Variants in SLC39A10 observed in about 807,000 individuals in gnomAD.
SLC39A10 encodes zinc transporter ZIP10.
Under a neutral mutation model 65.1 loss-of-function variants are expected in SLC39A10, and 13 were observed. The observed-to-expected ratio is 0.20, with a 90% CI of 0.13 to 0.32. SLC39A10 has a LOEUF of 0.32. Ranked by LOEUF, SLC39A10 falls within the 10% of genes least tolerant of loss-of-function variation. The probability of loss-of-function intolerance (pLI) is 1.00; values close to 1 mark genes in which losing one functional copy is unlikely to be tolerated. For missense variants in SLC39A10, 831 were observed against 1,018.4 expected, an observed-to-expected ratio of 0.82 and a Z score of 2.50; for synonymous variants, 321 against 342.2, an observed-to-expected ratio of 0.94 and a Z score of 0.68.
chr2:195,705,262 A>G lies in SLC39A10; in HGVS notation c.1217-1354A>G, dbSNP rs541100338. Among the ~76,000 whole-genome samples, 97 of 152,276 alleles carry G rather than the reference A, an allele frequency of 6.4e-4. 1 individual carries two copies. Among genetic ancestry groups the G allele is most frequent in the African/African-American group, 2.1e-3 (89 of 41,556 alleles). The stretch of plus-strand genomic sequence containing the variant: ...CTAGTGGGTAGATCCTCAGCCCTCT[A>G]ATACTGGTTGTGTTTGAATCTTATT... On this transcript the variant is annotated intron_variant, in intron 3 of 9. Coordinates refer to ENST00000359634, the MANE Select transcript of SLC39A10 (RefSeq NM_020342.3).
In SLC39A10 at chr2:195,617,377, A is replaced by AT. The variant is rs1398973308; in HGVS notation, c.-12+11145dup. Among the ~76,000 whole-genome samples the AT allele has an allele frequency of 1.2e-4, 18 of 152,174 alleles. 1 individual carries two copies. Among genetic ancestry groups the AT allele is most frequent in the Middle Eastern group, 3.4e-3 (1 of 294 alleles). On this transcript the variant is annotated intron_variant, in intron 2 of 2. Coordinates refer to the SLC39A10 transcript ENST00000458054. ...GGACTTTGAGGCCAGCCTGGCCAATATGGTGAAACCCCGTCTCTACTAAAA... is the reference window on the plus strand; with the variant it reads ...GGACTTTGAGGCCAGCCTGGCCAATATTGGTGAAACCCCGTCTCTACTAAAA...
intron 3 of SLC39A10, among the ~76,000 whole-genome samples, chr2:195,689,272 A>T (rs1690635170): frequency 6.6e-6 from 1 of 152,086 alleles, no homozygotes; most frequent in Non-Finnish European, 1.5e-5. Flanking sequence ...TTTTGAAAAA[A>T]TTAGCTGGGC....
chr2:195,670,211 G>A (rs1238306992), intron 1 of SLC39A10, among the ~76,000 whole-genome samples: 1 of 145,172 alleles, frequency 6.9e-6, no homozygotes, highest in Non-Finnish European at 1.5e-5. Flanking sequence ...AATTGCTATG[G>A]AGAATATCAA....
intron 8 of SLC39A10, among the ~76,000 whole-genome samples, chr2:195,725,883 A>T (rs886939297): frequency 7.2e-5 from 11 of 152,200 alleles, no homozygotes; most frequent in Non-Finnish European, 1.6e-4. Context: ...TTCCATTTAG[A>T]TGATGTTCTG....
At chr2:195,659,870 T>A (rs922345960) in intron 1 of SLC39A10, among the ~76,000 whole-genome samples, 1 of 152,176 alleles carries the variant, frequency 6.6e-6, no homozygotes, top group African/African-American at 2.4e-5. Context: ...CACTCCCTCC[T>A]TGACTACCCC....
chr2:195,733,075 C>G (rs756578052), intron 9 of SLC39A10, among the ~76,000 whole-genome samples: 9 of 152,154 alleles, frequency 5.9e-5, no homozygotes, highest in Non-Finnish European at 1.2e-4. Context: ...TACCATAGCA[C>G]TGTCAGAGCA....
At chr2:195,703,015 G>A (rs922168494) in intron 3 of SLC39A10, among the ~76,000 whole-genome samples, 1 of 152,128 alleles carries the variant, frequency 6.6e-6, no homozygotes, top group East Asian at 1.9e-4. Context: ...GCTGCATATT[G>A]TATTCTTCTT....
chr2:195,720,657 A>G (rs1213114789), intron 8 of SLC39A10, among the ~76,000 whole-genome samples: 1 of 152,228 alleles, frequency 6.6e-6, no homozygotes, highest in African/African-American at 2.4e-5. Flanking sequence ...ATATTAGTGC[A>G]TACTTGGTGC....
chr2:195,726,428 G>C (rs1692241870), intron 8 of SLC39A10, among the ~76,000 whole-genome samples: 4 of 152,104 alleles, frequency 2.6e-5, no homozygotes, highest in Admixed American at 2.6e-4. Flanking sequence ...AAGTTAGGGA[G>C]CTCTTTCCAC....
At chr2:195,663,996 A>G (rs1689532394) in intron 1 of SLC39A10, among the ~76,000 whole-genome samples, 1 of 152,096 alleles carries the variant, frequency 6.6e-6, no homozygotes, top group Admixed American at 6.5e-5. Context: ...AATTGAATGT[A>G]TATAACATCT....
intron 1 of SLC39A10, among the ~76,000 whole-genome samples, chr2:195,667,500 C>G (rs1341638887): frequency 6.6e-6 from 1 of 152,210 alleles, no homozygotes; most frequent in Non-Finnish European, 1.5e-5. Context: ...GCTAACGATG[C>G]ATGTGCTCTT....
chr2:195,632,732 T>C (rs1408325872), intron 2 of SLC39A10, among the ~76,000 whole-genome samples: 1 of 148,500 alleles, frequency 6.7e-6, no homozygotes, highest in African/African-American at 2.5e-5. Context: ...CATCTGGTGA[T>C]GAAAAGATAG....
chr2:195,666,437 G>T (rs937182972), intron 1 of SLC39A10, among the ~76,000 whole-genome samples: 1 of 152,190 alleles, frequency 6.6e-6, no homozygotes, highest in Non-Finnish European at 1.5e-5. Flanking sequence ...TAGTGCAGCA[G>T]TAGCTATTTT....
intron 3 of SLC39A10, among the ~76,000 whole-genome samples, chr2:195,685,669 G>C (rs1255013163): frequency 6.6e-6 from 1 of 152,002 alleles, no homozygotes; most frequent in Non-Finnish European, 1.5e-5. Flanking sequence ...GGCCCTTCTG[G>C]GTAAACTTAG....
Position 195,735,671 on chromosome 2 carries a change from A to T in SLC39A10, c.*630A>T, listed in dbSNP as rs560217701. ...CATAGTGTTTAAACCTGCAGCCTAA[A>T]CTACTGAAATTTGTGATTGTATGTT... On this transcript the variant is annotated 3_prime_UTR_variant, in exon 10 of 10. Transcript: ENST00000359634. 2 of 152,714 alleles carry T rather than the reference A, an allele frequency of 1.3e-5. No homozygotes were observed. The highest frequency in any genetic ancestry group is 4.8e-5 in the African/African-American group (2 of 41,572). 9.5% of individuals were successfully genotyped at this position (152,714 alleles called of 1,614,324 possible).
At chr2:195,649,835 T>G (rs1688994911) in intron 2 of SLC39A10, among the ~76,000 whole-genome samples, 2 of 152,220 alleles carry the variant, frequency 1.3e-5, no homozygotes, top group Non-Finnish European at 2.9e-5. Context: ...TTCATCTTAC[T>G]ACTCTGTGAG....
chr2:195,633,307 G>A (rs6434790), intron 2 of SLC39A10, among the ~76,000 whole-genome samples: 5,837 of 152,352 alleles, frequency 0.038, 257 homozygotes, highest in African/African-American at 0.1. Context: ...GAGGGAGCAC[G>A]CAGGTGAGCG....
At chr2:195,729,842 A>T (rs1158456475) in intron 9 of SLC39A10, among the ~76,000 whole-genome samples, 1 of 152,044 alleles carries the variant, frequency 6.6e-6, no homozygotes, top group East Asian at 1.9e-4. Flanking sequence ...TTTGTTACCC[A>T]GGCCGGAATG....
At chr2:195,632,289 C>CT (rs1688600299) in intron 2 of SLC39A10, among the ~76,000 whole-genome samples, 1 of 116,276 alleles carries the variant, frequency 8.6e-6, no homozygotes, top group African/African-American at 3.7e-5. Context: ...CATTCTACTT[C>CT]CTTTTTTTTT....
Sources: gnomAD v4.1 joint callset for allele counts (sites outside exome capture counted in the v4.1 genomes callset) on GRCh38, gnomAD v4.1.1 for gene constraint, MANE v1.5 for transcripts, NCBI Gene and HGNC (gene_info 2026-07-23, HGNC 2026-07-21) for gene names.